Variants in CSMD1 observed in about 807,000 individuals in gnomAD.
The protein encoded by CSMD1 is CUB and Sushi multiple domains 1, also known as CUB and sushi domain-containing protein 1.
In CSMD1, 213 loss-of-function variants were observed where a neutral mutation model predicts 417.5. That is an observed-to-expected ratio of 0.51 (90% CI 0.46 to 0.57). The LOEUF (loss-of-function observed/expected upper bound fraction) is 0.57, where lower values mean the gene tolerates loss of function less well. Among genes scored for constraint, CSMD1 ranks in the 20% least tolerant of loss-of-function variants. CSMD1 has a pLI of 0.00. For synonymous variants in CSMD1, 2,862 were observed against 1,736.8 expected (o/e 1.65, Z -16.11); for missense variants, 6,923 against 4,529.7 (o/e 1.53, Z -15.17).
At chr8:3,899,123 C>T (rs1304594106) in intron 5 of CSMD1, among the ~76,000 whole-genome samples, 5 of 152,084 alleles carry the variant, frequency 3.3e-5, no homozygotes, top group African/African-American at 1.2e-4. Flanking sequence ...CTGACTGGCG[C>T]CATGTTAGGT....
intron 3 of CSMD1, among the ~76,000 whole-genome samples, chr8:4,340,434 G>A (rs1473530901): frequency 3.3e-5 from 5 of 152,058 alleles, no homozygotes; most frequent in Non-Finnish European, 5.9e-5. Flanking sequence ...CCTCAATTAA[G>A]CTGCGCATTC....
intron 3 of CSMD1, among the ~76,000 whole-genome samples, chr8:4,295,215 TA>T (rs1489280550): frequency 3.2e-5 from 1 of 31,038 alleles, no homozygotes; most frequent in East Asian, 1.8e-3. Context: ...TAAGATTTTC[TA>T]TATAATCTTA....
intron 3 of CSMD1, among the ~76,000 whole-genome samples, chr8:4,405,529 T>G (rs1380514320): frequency 6.6e-6 from 1 of 152,158 alleles, no homozygotes; most frequent in Admixed American, 6.5e-5. Flanking sequence ...AACAAAAAAT[T>G]ATAGTAAGTG....
At chr8:3,176,813 C>T (rs1381110632) in intron 37 of CSMD1, among the ~76,000 whole-genome samples, 1 of 147,286 alleles carries the variant, frequency 6.8e-6, no homozygotes, top group African/African-American at 2.5e-5. Flanking sequence ...GGGTCTTGCT[C>T]TGTCTCCCAG....
chr8:3,044,254 A>C (rs1430232588), intron 50 of CSMD1, among the ~76,000 whole-genome samples: 1 of 152,202 alleles, frequency 6.6e-6, no homozygotes, highest in East Asian at 1.9e-4. Flanking sequence ...ATCAATGCCA[A>C]ATGTTGGGTA....
chr8:3,661,053 G>A (rs141389595), intron 7 of CSMD1, among the ~76,000 whole-genome samples: 1 of 152,184 alleles, frequency 6.6e-6, no homozygotes, highest in Non-Finnish European at 1.5e-5. Flanking sequence ...GCTAAGCCTT[G>A]AAATGCTCAG....
chr8:4,418,005 T>C (rs1797040551), intron 3 of CSMD1, among the ~76,000 whole-genome samples: 1 of 152,104 alleles, frequency 6.6e-6, no homozygotes, highest in African/African-American at 2.4e-5. Context: ...TTGATAATTT[T>C]TCTCCAAATA....
At position 3,688,155 on chromosome 8, in the gene CSMD1, A is replaced by T. The variant is rs926398080; in HGVS notation, c.1009+20259T>A. Among the ~76,000 whole-genome samples, 3 of 152,344 alleles carry T rather than the reference A, an allele frequency of 2.0e-5. No homozygotes were observed. In the East Asian group the frequency reaches 5.8e-4, roughly 29 times the overall value. The stretch of plus-strand genomic sequence containing the variant: ...TTGCAATACCTTATATTTAGACACA[A>T]TAAAAATACATGAGAGAGCTGGGCA... On this transcript the variant is annotated intron_variant, in intron 7 of 69. Coordinates refer to ENST00000635120, the MANE Select transcript of CSMD1 (RefSeq NM_033225.6).
intron 42 of CSMD1, 49 bp from the exon 43 acceptor site, chr8:3,110,384 G>GA (rs1563054400): frequency 5.4e-6 from 8 of 1,477,370 alleles, no homozygotes; most frequent in Non-Finnish European, 7.2e-6. Flanking sequence ...TGATTTTAGA[G>GA]AGTAGAAAGC....
intron 25 of CSMD1, among the ~76,000 whole-genome samples, chr8:3,301,494 A>G (rs551066231): frequency 6.6e-6 from 1 of 152,336 alleles, no homozygotes; most frequent in African/African-American, 2.4e-5. Context: ...AGGGAACAAC[A>G]CAGAATATTT....
intron 2 of CSMD1, among the ~76,000 whole-genome samples, chr8:4,493,057 G>C (rs962804794): frequency 1.3e-5 from 2 of 152,204 alleles, no homozygotes; most frequent in South Asian, 4.2e-4. Context: ...AAATATTTCA[G>C]TTCTGAGGTT....
chr8:4,806,278 C>T (rs1563445828), intron 1 of CSMD1, among the ~76,000 whole-genome samples: 1 of 152,120 alleles, frequency 6.6e-6, no homozygotes, highest in Non-Finnish European at 1.5e-5. Flanking sequence ...GAGACCTGAC[C>T]CAAGTCCCGC....
chr8:3,935,553 G>C (rs921608977), intron 5 of CSMD1, among the ~76,000 whole-genome samples: 2 of 152,100 alleles, frequency 1.3e-5, no homozygotes, highest in Admixed American at 6.5e-5. Context: ...CAGGCTTCTA[G>C]GTATATGATT....
intron 5 of CSMD1, among the ~76,000 whole-genome samples, chr8:3,762,583 G>A (rs1251559714): frequency 6.6e-6 from 1 of 152,230 alleles, no homozygotes; most frequent in Non-Finnish European, 1.5e-5. Context: ...CAGCCATGTA[G>A]CCATAACATG....
intron 2 of CSMD1, among the ~76,000 whole-genome samples, chr8:4,519,336 A>G (rs1167873206): frequency 6.6e-6 from 1 of 152,190 alleles, no homozygotes; most frequent in Admixed American, 6.5e-5. Flanking sequence ...TTATGGTTCA[A>G]TGATAAAAAT....
chr8:3,615,531 C>G (rs1802094201), intron 8 of CSMD1, among the ~76,000 whole-genome samples: 1 of 152,188 alleles, frequency 6.6e-6, no homozygotes, highest in African/African-American at 2.4e-5. Flanking sequence ...CATTCCGACA[C>G]TATTTCTTCA....
Position 4,032,021 on chromosome 8 carries a change from T to C in CSMD1, c.494A>G (p.Asp165Gly). The stretch of plus-strand genomic sequence containing the variant: ...AGGGAGGCAGCTGTACCGGATTTTG[T>C]CTCCTATGTTGAATCTCGTTCCATG... The part of the protein sequence containing the change: ...VLHGTRFNIG[D>G]KIRYSCLPGY... The change falls in exon 4 of 70, where the codon GAC becomes GGC. Residue 165 changes from aspartate to glycine, a missense_variant. Asp to Gly is a moderately conservative substitution (Grantham distance 94). Transcript: ENST00000635120. The C allele has an allele frequency of 1.2e-6, 2 of 1,613,914 alleles. No homozygotes were observed. The highest frequency in any genetic ancestry group is 1.7e-6 in the Non-Finnish European group (2 of 1,179,862).
At chr8:3,519,993 C>CAT (rs1367405464) in intron 10 of CSMD1, among the ~76,000 whole-genome samples, 8 of 138,526 alleles carry the variant, frequency 5.8e-5, no homozygotes, top group Non-Finnish European at 1.1e-4. Flanking sequence ...TATCTGTGTG[C>CAT]ATATATATGT....
intron 5 of CSMD1, among the ~76,000 whole-genome samples, chr8:3,849,300 G>A (rs953509882): frequency 1.1e-4 from 17 of 152,078 alleles, no homozygotes; most frequent in Non-Finnish European, 1.5e-4. Flanking sequence ...GATACAGGGC[G>A]GACTGGGAAG....
Sources: gnomAD v4.1 joint callset for allele counts (sites outside exome capture counted in the v4.1 genomes callset) on GRCh38, gnomAD v4.1.1 for gene constraint, MANE v1.5 for transcripts, NCBI Gene and HGNC (gene_info 2026-07-23, HGNC 2026-07-21) for gene names.